TMEM117: variants seen among roughly 807,000 people sequenced by gnomAD.
The protein encoded by TMEM117 is transmembrane protein 117.
TMEM117 carries 27 observed loss-of-function variants against 52.4 expected under a neutral mutation model. That is an observed-to-expected ratio of 0.51 (90% CI 0.38 to 0.71). The LOEUF is 0.71. Among genes scored for constraint, TMEM117 ranks in the 30% least tolerant of loss-of-function variants. The pLI, the probability that TMEM117 is intolerant of heterozygous loss-of-function variation, is 0.00. For synonymous variants in TMEM117, 215 were observed against 206.3 expected, an observed-to-expected ratio of 1.04 and a Z score of -0.36; for missense variants, 556 against 630.5, an observed-to-expected ratio of 0.88 and a Z score of 1.26.
the TMEM117 span, chr12:43,806,157 C>A: frequency 2.0e-6 from 3 of 1,534,478 alleles, no homozygotes; most frequent in Non-Finnish European, 2.6e-6. Context: ...GGTCCTGCAG[C>A]CCTCCCGGCT....
intron 3 of TMEM117, among the ~76,000 whole-genome samples, chr12:44,057,707 A>G (rs1007746488): frequency 6.6e-6 from 1 of 152,088 alleles, no homozygotes; most frequent in Non-Finnish European, 1.5e-5. Context: ...AAAGAACACC[A>G]TTCAAAGTTT....
At chr12:44,254,913 GT>G (rs568538143) in intron 5 of TMEM117, among the ~76,000 whole-genome samples, 4 of 151,922 alleles carry the variant, frequency 2.6e-5, no homozygotes, top group African/African-American at 9.7e-5. Flanking sequence ...GCGGTGTTTG[GT>G]TTTTTGTCCT....
At chr12:44,166,609 C>A (rs1948971183) in intron 4 of TMEM117, among the ~76,000 whole-genome samples, 1 of 152,092 alleles carries the variant, frequency 6.6e-6, no homozygotes, top group African/African-American at 2.4e-5. Flanking sequence ...TCTAAGTGGA[C>A]AAATAAAATT....
At chr12:43,970,837 C>T (rs1945572131) in intron 3 of TMEM117, among the ~76,000 whole-genome samples, 1 of 152,044 alleles carries the variant, frequency 6.6e-6, no homozygotes, top group Non-Finnish European at 1.5e-5. Context: ...TATGGACCTA[C>T]CTTTCTAGCT....
chr12:43,898,132 A>G (rs1198397663), intron 2 of TMEM117, among the ~76,000 whole-genome samples: 1 of 151,972 alleles, frequency 6.6e-6, no homozygotes, highest in East Asian at 1.9e-4. Context: ...GGCATCTGAA[A>G]CTTAACAGCT....
chr12:43,850,579 C>A (rs746621148), intron 2 of TMEM117, among the ~76,000 whole-genome samples: 19 of 152,166 alleles, frequency 1.2e-4, no homozygotes, highest in Non-Finnish European at 2.4e-4. Flanking sequence ...TCCTTCAAAT[C>A]TCAGTTCAAG....
chr12:44,264,608 GC>G (rs1950355626), intron 5 of TMEM117, among the ~76,000 whole-genome samples: 1 of 152,124 alleles, frequency 6.6e-6, no homozygotes, highest in South Asian at 2.1e-4. Context: ...AAAGGACTGA[GC>G]AACTTTTATT....
At chr12:43,996,904 A>G (rs1036883130) in intron 3 of TMEM117, among the ~76,000 whole-genome samples, 1 of 152,168 alleles carries the variant, frequency 6.6e-6, no homozygotes, top group African/African-American at 2.4e-5. Flanking sequence ...TTCACTGGGC[A>G]TATTTGTTGG....
chr12:44,148,638 G>C (rs1948679411), intron 4 of TMEM117, among the ~76,000 whole-genome samples: 1 of 151,522 alleles, frequency 6.6e-6, no homozygotes, highest in Admixed American at 6.6e-5. Context: ...TATTATCTTT[G>C]CTTCAAAAGA....
At chr12:43,912,432 G>A (rs537747312) in intron 2 of TMEM117, among the ~76,000 whole-genome samples, 2 of 150,040 alleles carry the variant, frequency 1.3e-5, no homozygotes, top group African/African-American at 2.5e-5. Context: ...CACCAGCATG[G>A]CACATGTATA....
chr12:44,054,907 A>G (rs1947030687), intron 3 of TMEM117, among the ~76,000 whole-genome samples: 1 of 151,926 alleles, frequency 6.6e-6, no homozygotes. Context: ...CCACCCCACG[A>G]CAGGCCCCGG....
At chr12:44,290,321 C>T (rs1592669423) in intron 5 of TMEM117, among the ~76,000 whole-genome samples, 1 of 152,130 alleles carries the variant, frequency 6.6e-6, no homozygotes, top group East Asian at 1.9e-4. Flanking sequence ...GGAGCTTTTT[C>T]CCTGTTTTCT....
At chr12:43,849,317 G>A (rs1943265381) in intron 2 of TMEM117, among the ~76,000 whole-genome samples, 1 of 152,190 alleles carries the variant, frequency 6.6e-6, no homozygotes, top group African/African-American at 2.4e-5. Flanking sequence ...AGCATAGGAA[G>A]CTAAGGCAAA....
chr12:43,833,259 A>G (rs566603100), upstream of TMEM117, among the ~76,000 whole-genome samples: 14 of 152,332 alleles, frequency 9.2e-5, no homozygotes, highest in South Asian at 2.9e-3. Context: ...GATGCCAGAC[A>G]TTTCGGTTCT....
intron 3 of TMEM117, among the ~76,000 whole-genome samples, chr12:43,966,044 C>T (rs371433617): frequency 2.6e-5 from 4 of 152,204 alleles, no homozygotes; most frequent in African/African-American, 9.6e-5. Context: ...AGGAGAATGG[C>T]CTCTAGCTGC....
At chr12:44,265,261 A>G (rs935575268) in intron 5 of TMEM117, among the ~76,000 whole-genome samples, 5 of 152,182 alleles carry the variant, frequency 3.3e-5, no homozygotes, top group Non-Finnish European at 7.4e-5. Flanking sequence ...GAAGGGCCAG[A>G]GTGAAAATGG....
chr12:44,293,121 A>G (rs981061127), intron 5 of TMEM117, among the ~76,000 whole-genome samples: 7 of 151,906 alleles, frequency 4.6e-5, no homozygotes, highest in African/African-American at 1.4e-4. Flanking sequence ...ATATATATAT[A>G]TACAAAATTG....
In TMEM117 at chr12:43,988,523, T is replaced by C. The variant is rs1164123799; in HGVS notation, c.410+44181T>C. Reference sequence around the variant, plus strand: ...ATTGCAGCAAATTAGAATGAAAGTATGTAGTCTTGAGAACATATGGACTGT... The same window carrying C: ...ATTGCAGCAAATTAGAATGAAAGTACGTAGTCTTGAGAACATATGGACTGT... On this transcript the variant is annotated intron_variant, in intron 3 of 7. Coordinates refer to ENST00000266534, the MANE Select transcript of TMEM117 (RefSeq NM_032256.3). Among the ~76,000 whole-genome samples the C allele has an allele frequency of 7.2e-5, 11 of 152,134 alleles. No homozygotes were observed. In the East Asian group the frequency reaches 2.1e-3, roughly 29 times the overall value.
chr12:44,087,571 C>T (rs1489287117), intron 3 of TMEM117, among the ~76,000 whole-genome samples: 1 of 151,990 alleles, frequency 6.6e-6, no homozygotes, highest in Non-Finnish European at 1.5e-5. Context: ...CTGGTGATGG[C>T]CCCACCTCAG....
Sources: allele counts gnomAD v4.1 joint callset (sites outside exome capture counted in the v4.1 genomes callset), GRCh38; gene constraint gnomAD v4.1.1; transcripts MANE v1.5; gene names NCBI Gene and HGNC (gene_info 2026-07-23, HGNC 2026-07-21).